Variants in TMEFF1 observed in about 807,000 individuals in gnomAD.
The protein encoded by TMEFF1 is tomoregulin-1.
Under a neutral mutation model 47.5 loss-of-function variants are expected in TMEFF1, and 20 were observed. The ratio of observed to expected loss-of-function variants is 0.42; its 90% confidence interval spans 0.30 to 0.61. The LOEUF is 0.61. Ranked by LOEUF, TMEFF1 falls within the 20% of genes least tolerant of loss-of-function variation. TMEFF1 has a pLI of 0.19. For missense variants in TMEFF1, 411 were observed against 471.1 expected (o/e 0.87, Z 1.18); for synonymous variants, 162 against 166.3 (o/e 0.97, Z 0.20).
intron 1 of TMEFF1, among the ~76,000 whole-genome samples, chr9:100,497,464 T>A (rs1339285271): frequency 6.6e-6 from 1 of 151,952 alleles, no homozygotes; most frequent in Non-Finnish European, 1.5e-5. Flanking sequence ...CTAGATGTGA[T>A]CTTGCCCTTG....
intron 5 of TMEFF1, among the ~76,000 whole-genome samples, chr9:100,545,523 C>T (rs1838717089): frequency 6.6e-6 from 1 of 152,158 alleles, no homozygotes. Context: ...TGTTTTCCTC[C>T]TACAATGGGA....
intron 7 of TMEFF1, among the ~76,000 whole-genome samples, chr9:100,555,997 C>T (rs1428354797): frequency 6.6e-6 from 1 of 152,156 alleles, no homozygotes; most frequent in Non-Finnish European, 1.5e-5. Flanking sequence ...AAGTGCTGCT[C>T]CTTCCCTTTG....
At chr9:100,483,500 AAAACAAACAAAC>A (rs57384867) in intron 1 of TMEFF1, among the ~76,000 whole-genome samples, 3 of 150,492 alleles carry the variant, frequency 2.0e-5, no homozygotes, top group Non-Finnish European at 1.5e-5. Flanking sequence ...AACATCTCAA[AAAACAAACAAAC>A]AAACAAACAA....
intron 5 of TMEFF1, among the ~76,000 whole-genome samples, chr9:100,530,245 G>C (rs1172931239): frequency 6.6e-6 from 1 of 152,044 alleles, no homozygotes; most frequent in Non-Finnish European, 1.5e-5. Flanking sequence ...ACTAAAATCA[G>C]AGCAGAACTG....
intron 7 of TMEFF1, among the ~76,000 whole-genome samples, chr9:100,556,800 T>C (rs941548267): frequency 6.6e-6 from 1 of 152,144 alleles, no homozygotes; most frequent in Admixed American, 6.5e-5. Flanking sequence ...CTCCTATTGC[T>C]GAGATTTAGC....
intron 5 of TMEFF1, among the ~76,000 whole-genome samples, chr9:100,541,570 C>T (rs1206764808): frequency 6.6e-6 from 1 of 151,776 alleles, no homozygotes; most frequent in Non-Finnish European, 1.5e-5. Flanking sequence ...AGATGGGTTT[C>T]ACTACGTTGG....
intron 1 of TMEFF1, among the ~76,000 whole-genome samples, chr9:100,477,077 T>C (rs143730758): frequency 6.8e-4 from 104 of 152,342 alleles, no homozygotes; most frequent in African/African-American, 2.4e-3. Context: ...TTCAGCCTAC[T>C]GTGAGCTTTC....
intron 3 of TMEFF1, 132 bp downstream of exon 3, chr9:100,509,266 A>C (rs1837917487): frequency 1.6e-6 from 2 of 1,274,342 alleles, no homozygotes. Context: ...GGAGTAGGGG[A>C]AATCTTTTTT....
At position 100,508,920 on chromosome 9, in the gene TMEFF1, TGC is replaced by T. The variant is rs956773542; in HGVS notation, c.307-84_307-83del. The T allele has an allele frequency of 2.2e-5, 30 of 1,339,072 alleles. No individual in the cohort carries two copies. In the African/African-American group the frequency reaches 4.5e-4, roughly 20 times the overall value. 82.9% of individuals were successfully genotyped at this position (1,339,072 alleles called of 1,614,324 possible). A position where few individuals can be genotyped will look rare whatever the true frequency, so the allele number is the denominator to read the frequency against. On this transcript the variant is annotated intron_variant, in intron 2 of 9. Transcript: ENST00000374879. ...TATTCAGTAGCGAAGTATGTCATAA[TGC>T]TATGGTATTGCATTCATGAATGTGA...
At chr9:100,520,994 ATGCTGTCAGTG>A (rs1482978485) in intron 5 of TMEFF1, among the ~76,000 whole-genome samples, 1 of 152,152 alleles carries the variant, frequency 6.6e-6, no homozygotes, top group Non-Finnish European at 1.5e-5. Context: ...CTGCTTCTAG[ATGCTGTCAGTG>A]TGCCTTGGCA....
At chr9:100,513,441 A>G (rs1194624328) in intron 4 of TMEFF1, 108 bp downstream of exon 4, 3 of 1,355,968 alleles carry the variant, frequency 2.2e-6, no homozygotes, top group Non-Finnish European at 3.0e-6. Flanking sequence ...TTCACATACC[A>G]TATAATTTGC....
At chr9:100,543,707 ACAC>A (rs1838678264) in intron 5 of TMEFF1, among the ~76,000 whole-genome samples, 2 of 92,748 alleles carry the variant, frequency 2.2e-5, no homozygotes, top group Non-Finnish European at 4.6e-5. Flanking sequence ...GAAGTAAAAC[ACAC>A]ACACACACAC....
chr9:100,513,915 C>T (rs1838015244), intron 4 of TMEFF1, among the ~76,000 whole-genome samples: 1 of 152,056 alleles, frequency 6.6e-6, no homozygotes, highest in African/African-American at 2.4e-5. Context: ...AATTTCCTAT[C>T]TATGTTTTTG....
chr9:100,495,615 G>T (rs1230687206), intron 1 of TMEFF1, among the ~76,000 whole-genome samples: 1 of 152,146 alleles, frequency 6.6e-6, no homozygotes, highest in Non-Finnish European at 1.5e-5. Context: ...TAGATGCTTA[G>T]TAATGGCTTT....
chr9:100,507,022 C>T (rs1290941387), intron 2 of TMEFF1, among the ~76,000 whole-genome samples: 1 of 152,018 alleles, frequency 6.6e-6, no homozygotes, highest in Non-Finnish European at 1.5e-5. Context: ...TGCCTTTCTC[C>T]CTCTCTCCCC....
intron 4 of TMEFF1, among the ~76,000 whole-genome samples, chr9:100,513,692 G>A (rs1838009343): frequency 6.6e-6 from 1 of 152,108 alleles, no homozygotes; most frequent in Non-Finnish European, 1.5e-5. Flanking sequence ...AGATGTTGTA[G>A]TTTCTGTTAA....
At chr9:100,536,275 G>C (rs1838505003) in intron 5 of TMEFF1, among the ~76,000 whole-genome samples, 1 of 152,094 alleles carries the variant, frequency 6.6e-6, no homozygotes, top group Non-Finnish European at 1.5e-5. Flanking sequence ...CCATTTCTAG[G>C]GGTAATGTCT....
intron 7 of TMEFF1, 27 bp downstream of exon 7, chr9:100,550,187 T>C (rs761294598): frequency 6.2e-7 from 1 of 1,602,868 alleles, no homozygotes; most frequent in South Asian, 1.1e-5. Flanking sequence ...CTCCAAATTT[T>C]GGCCAGCTAT....
chr9:100,529,858 G>C (rs1367444284), intron 5 of TMEFF1, among the ~76,000 whole-genome samples: 6 of 152,078 alleles, frequency 3.9e-5, no homozygotes, highest in Non-Finnish European at 8.8e-5. Context: ...GCTCTCCTCA[G>C]CAAATGTAAA....
Sources: gnomAD v4.1 joint callset for allele counts (sites outside exome capture counted in the v4.1 genomes callset) on GRCh38, gnomAD v4.1.1 for gene constraint, MANE v1.5 for transcripts, NCBI Gene and HGNC (gene_info 2026-07-23, HGNC 2026-07-21) for gene names.